UVRAG: variants seen among roughly 807,000 people sequenced by gnomAD.
UVRAG encodes the protein UV radiation resistance-associated gene protein.
UVRAG carries 19 observed loss-of-function variants against 78.0 expected under a neutral mutation model. The observed-to-expected ratio is 0.24, with a 90% CI of 0.17 to 0.36. UVRAG has a LOEUF of 0.36. Ranked by LOEUF, UVRAG falls within the 10% of genes least tolerant of loss-of-function variation. The pLI is 1.00. For missense variants in UVRAG, 740 were observed against 853.8 expected (o/e 0.87, Z 1.66); for synonymous variants, 323 against 324.6 (o/e 1.00, Z 0.05).
At chr11:75,946,802 C>T (rs1000473072) in intron 6 of UVRAG, among the ~76,000 whole-genome samples, 3 of 152,204 alleles carry the variant, frequency 2.0e-5, no homozygotes, top group African/African-American at 7.2e-5. Flanking sequence ...GGGCCAGTCC[C>T]TTTTAAGGGC....
chr11:76,022,614 T>C (rs1457340955), intron 12 of UVRAG, among the ~76,000 whole-genome samples: 1 of 152,200 alleles, frequency 6.6e-6, no homozygotes, highest in Non-Finnish European at 1.5e-5. Context: ...TTGGTTACTA[T>C]TTGCATGGAC....
intron 4 of UVRAG, among the ~76,000 whole-genome samples, chr11:75,883,712 G>A (rs766832973): frequency 4.6e-5 from 7 of 152,162 alleles, no homozygotes; most frequent in African/African-American, 9.7e-5. Flanking sequence ...TGTGAGAGTC[G>A]TACGGGGAAG....
intron 1 of UVRAG, among the ~76,000 whole-genome samples, chr11:75,829,792 A>G (rs1286831550): frequency 6.6e-6 from 1 of 152,226 alleles, no homozygotes; most frequent in East Asian, 1.9e-4. Context: ...GTAAAAGTTT[A>G]AGGATACTGA....
chr11:76,126,244 C>G (rs1443486984), intron 14 of UVRAG, among the ~76,000 whole-genome samples: 2 of 152,070 alleles, frequency 1.3e-5, no homozygotes, highest in Non-Finnish European at 2.9e-5. Context: ...CCCGGCCTGG[C>G]AGTCACATTT....
rs766983969 is a variant in UVRAG at position 76,141,129 on chromosome 11, G to A, written c.1816G>A (p.Ala606Thr). 1.5e-5 allele frequency: 25 copies of A among 1,614,156 alleles called. No homozygotes were observed. The South Asian group carries it at 2.5e-4, about 16-fold the overall frequency. ...TGGCACTCTCCTACCCAGCGAGCAG[G>A]CCGGGTCCGCCAGTGTCCAGCTTCC... ...VNGTLLPSEQ[A>T]GSASVQLPGE... Residue 606 changes from alanine (A) to threonine (T), a missense_variant, in exon 15 of 15, where the codon GCC becomes ACC. Transcript: ENST00000356136.
At chr11:75,890,791 A>G (rs1206115782) in intron 5 of UVRAG, among the ~76,000 whole-genome samples, 1 of 152,238 alleles carries the variant, frequency 6.6e-6, no homozygotes, top group Non-Finnish European at 1.5e-5. Context: ...CTAGGTACCC[A>G]AGCCTGGAAG....
chr11:75,980,426 A>G (rs1949366265), intron 7 of UVRAG, among the ~76,000 whole-genome samples: 1 of 152,172 alleles, frequency 6.6e-6, no homozygotes, highest in Non-Finnish European at 1.5e-5. Context: ...TGGGCTTCCT[A>G]AAGTGCTGAG....
intron 12 of UVRAG, among the ~76,000 whole-genome samples, chr11:76,018,635 T>A (rs1225703632): frequency 6.6e-6 from 1 of 152,148 alleles, no homozygotes; most frequent in African/African-American, 2.4e-5. Context: ...TCTCAATCTC[T>A]TGACCTCATG....
At chr11:75,816,875 GGAAGA>G (rs1945272818) in intron 1 of UVRAG, among the ~76,000 whole-genome samples, 1 of 152,102 alleles carries the variant, frequency 6.6e-6, no homozygotes, top group African/African-American at 2.4e-5. Flanking sequence ...GGGGCTAAAG[GGAAGA>G]GAAGAGTTGG....
chr11:75,931,887 C>A (rs1948248268), intron 6 of UVRAG, among the ~76,000 whole-genome samples: 1 of 152,148 alleles, frequency 6.6e-6, no homozygotes, highest in Non-Finnish European at 1.5e-5. Flanking sequence ...AGCTCCTGTG[C>A]TTTGTCTATA....
intron 6 of UVRAG, among the ~76,000 whole-genome samples, chr11:75,947,915 C>T (rs757113921): frequency 1.3e-5 from 2 of 152,096 alleles, no homozygotes; most frequent in African/African-American, 4.8e-5. Flanking sequence ...CATTCACCAA[C>T]GAATTATTAA....
At chr11:75,994,127 C>T (rs1049530510) in intron 8 of UVRAG, among the ~76,000 whole-genome samples, 13 of 152,140 alleles carry the variant, frequency 8.5e-5, no homozygotes, top group African/African-American at 3.1e-4. Context: ...CACTTATAAA[C>T]AAATGTTGAT....
chr11:76,140,112 C>CCT (rs745755879), intron 14 of UVRAG, among the ~76,000 whole-genome samples: 328 of 11,270 alleles, frequency 0.029, 17 homozygotes, highest in African/African-American at 0.037. Flanking sequence ...TCCCTCCCTC[C>CCT]CTCTCTCTCT....
intron 13 of UVRAG, among the ~76,000 whole-genome samples, chr11:76,095,044 TC>T (rs1249872836): frequency 6.6e-6 from 1 of 152,174 alleles, no homozygotes; most frequent in Non-Finnish European, 1.5e-5. Flanking sequence ...GTTCACTTAA[TC>T]ACCTTGTTTT....
rs76728987 is a variant in UVRAG at position 76,120,398 on chromosome 11, CT to C, written c.1397+4384del. Among the ~76,000 whole-genome samples the C allele has an allele frequency of 0.015, 2,244 of 152,212 alleles. 163 individuals are homozygous for C. The East Asian group carries it at 0.22, about 15-fold the overall frequency. On this transcript the variant is annotated intron_variant, in intron 14 of 14. Coordinates refer to ENST00000356136, the MANE Select transcript of UVRAG (RefSeq NM_003369.4). ...CAAATTATTTACATATAAATGCTTC[CT>C]CATTGCAACCTGACTGCCCTTCTAC... is the stretch of plus-strand genomic sequence containing the variant.
In UVRAG at chr11:75,888,839, G is replaced by A. The variant is rs370425154; in HGVS notation, c.443G>A (p.Arg148Gln). The A allele has an allele frequency of 3.3e-5, 54 of 1,613,076 alleles. No individual in the cohort carries two copies. Among genetic ancestry groups the A allele is most frequent in the South Asian group, 1.3e-4 (12 of 90,930 alleles). The change falls in exon 5 of 15, where the codon CGA (arginine) becomes CAA (glutamine). Residue 148 changes from arginine (R) to glutamine (Q), a missense_variant. Arg to Gln is a conservative substitution (Grantham distance 43). Coordinates refer to ENST00000356136, the MANE Select transcript of UVRAG (RefSeq NM_003369.4). ...LKYLGQQIHARNQNEIIFGLN... is the reference protein window; with the variant it reads ...LKYLGQQIHAQNQNEIIFGLN... ...TTCCTCCTCTCTTAGATTCATGCCCGAAACCAAAATGAAATAATTTTTGGG... is the reference window on the plus strand; with the variant it reads ...TTCCTCCTCTCTTAGATTCATGCCCAAAACCAAAATGAAATAATTTTTGGG...
Position 75,912,052 on chromosome 11 carries a change from T to A in UVRAG, c.593+13T>A. On this transcript the variant is annotated intron_variant, in intron 6 of 14. Coordinates refer to ENST00000356136, the MANE Select transcript of UVRAG (RefSeq NM_003369.4). ...TCTCTTTGCTACGGTAAGAAACTTC[T>A]TAGATTGCCCTGAATTCTAAAGAAT... 2 of 1,570,044 alleles carry A rather than the reference T, an allele frequency of 1.3e-6. No homozygotes were observed. The highest frequency in any genetic ancestry group is 1.8e-6 in the Non-Finnish European group (2 of 1,141,502).
intron 14 of UVRAG, among the ~76,000 whole-genome samples, chr11:76,116,384 G>A (rs1952180941): frequency 6.6e-6 from 1 of 152,236 alleles, no homozygotes; most frequent in Non-Finnish European, 1.5e-5. Flanking sequence ...ATTATAGAAT[G>A]AGCATCAGGA....
intron 6 of UVRAG, among the ~76,000 whole-genome samples, chr11:75,949,011 G>C (rs1397728936): frequency 6.6e-6 from 1 of 152,148 alleles, no homozygotes; most frequent in Non-Finnish European, 1.5e-5. Context: ...GGATTCTTTG[G>C]TACTAAGAAC....
Sources: gnomAD v4.1 joint callset for allele counts (sites outside exome capture counted in the v4.1 genomes callset) on GRCh38, gnomAD v4.1.1 for gene constraint, MANE v1.5 for transcripts, NCBI Gene and HGNC (gene_info 2026-07-23, HGNC 2026-07-21) for gene names.